The following SLC9A9 variants were observed in gnomAD, a reference collection of about 807,000 sequenced individuals.
The protein encoded by SLC9A9 is solute carrier family 9 member A9, also known as sodium/hydrogen exchanger 9.
In SLC9A9, 62 loss-of-function variants were observed where a neutral mutation model predicts 77.8. The ratio of observed to expected loss-of-function variants is 0.80; its 90% CI spans 0.65 to 0.98. The LOEUF (loss-of-function observed/expected upper bound fraction) is 0.98. Among genes scored for constraint, SLC9A9 ranks in the 50% least tolerant of loss-of-function variants. The probability of loss-of-function intolerance (pLI) is 0.00; values close to 1 mark genes in which losing one functional copy is unlikely to be tolerated. For missense variants in SLC9A9, 775 were observed against 774.9 expected (o/e 1.00, Z 0.00); for synonymous variants, 320 against 283.5 (o/e 1.13, Z -1.29).
chr3:143,370,577 A>G (rs1040427670), intron 13 of SLC9A9, among the ~76,000 whole-genome samples: 13 of 150,892 alleles, frequency 8.6e-5, no homozygotes, highest in Admixed American at 2.0e-4. Flanking sequence ...GCACACACAC[A>G]CACACACACA....
At chr3:143,518,236 G>C in intron 9 of SLC9A9, 3 of 1,592,584 alleles carry the variant, frequency 1.9e-6, no homozygotes, top group Non-Finnish European at 2.6e-6. Flanking sequence ...CCATGGCAGG[G>C]AGGTGGTGGG....
chr3:143,585,317 C>T (rs1022802332), intron 6 of SLC9A9, among the ~76,000 whole-genome samples: 4 of 152,114 alleles, frequency 2.6e-5, no homozygotes, highest in Non-Finnish European at 4.4e-5. Context: ...ATTGTTTCTG[C>T]CCTATAGTTT....
intron 14 of SLC9A9, among the ~76,000 whole-genome samples, chr3:143,321,586 C>T (rs1041330213): frequency 1.3e-5 from 2 of 152,236 alleles, no homozygotes; most frequent in African/African-American, 2.4e-5. Flanking sequence ...TTCTGTTTCT[C>T]GTGAAACCAC....
chr3:143,791,255 A>C (rs2008215271), intron 4 of SLC9A9, among the ~76,000 whole-genome samples: 2 of 152,234 alleles, frequency 1.3e-5, no homozygotes, highest in Admixed American at 1.3e-4. Context: ...TCTTGCCAGA[A>C]GGAATATTGT....
At chr3:143,737,316 T>G (rs1576692082) in intron 4 of SLC9A9, among the ~76,000 whole-genome samples, 2 of 152,304 alleles carry the variant, frequency 1.3e-5, no homozygotes, top group Non-Finnish European at 2.9e-5. Context: ...CTGTTAGTCA[T>G]TTGCCTTTTC....
intron 6 of SLC9A9, among the ~76,000 whole-genome samples, chr3:143,648,855 T>C (rs976210515): frequency 3.9e-5 from 6 of 152,142 alleles, no homozygotes; most frequent in African/African-American, 1.4e-4. Flanking sequence ...AAATTCTTCG[T>C]CAAATCTCCC....
At chr3:143,834,484 C>T (rs535843410) in intron 1 of SLC9A9, among the ~76,000 whole-genome samples, 1 of 150,868 alleles carries the variant, frequency 6.6e-6, no homozygotes, top group Admixed American at 6.6e-5. Flanking sequence ...TCTACAAAGA[C>T]GGGAAGCACA....
intron 4 of SLC9A9, among the ~76,000 whole-genome samples, chr3:143,779,534 C>T (rs144795266): frequency 0.017 from 2,532 of 152,150 alleles, 37 homozygotes; most frequent in Non-Finnish European, 0.026. Flanking sequence ...ACATGCCTCG[C>T]CAATTTTTGT....
chr3:143,736,571 C>T (rs1934945668), intron 4 of SLC9A9, among the ~76,000 whole-genome samples: 1 of 152,102 alleles, frequency 6.6e-6, no homozygotes, highest in Non-Finnish European at 1.5e-5. Flanking sequence ...GTAACTACCC[C>T]TTCTTTCATT....
At chr3:143,845,458 C>T (rs1197561914) in intron 1 of SLC9A9, among the ~76,000 whole-genome samples, 1 of 152,058 alleles carries the variant, frequency 6.6e-6, no homozygotes, top group African/African-American at 2.4e-5. Flanking sequence ...TTAGGACATC[C>T]CTGAAGAAGA....
intron 4 of SLC9A9, among the ~76,000 whole-genome samples, chr3:143,780,450 A>C (rs1006457468): frequency 6.6e-6 from 1 of 152,248 alleles, no homozygotes; most frequent in African/African-American, 2.4e-5. Context: ...TTGGGGATTG[A>C]TGATACAAAA....
At chr3:143,296,152 G>C (rs1010987539) in intron 14 of SLC9A9, among the ~76,000 whole-genome samples, 13 of 152,198 alleles carry the variant, frequency 8.5e-5, no homozygotes, top group African/African-American at 3.1e-4. Context: ...AATGATGAAT[G>C]ATGAGTAGAT....
intron 4 of SLC9A9, among the ~76,000 whole-genome samples, chr3:143,693,792 G>A (rs1005634291): frequency 6.6e-6 from 1 of 152,126 alleles, no homozygotes; most frequent in Non-Finnish European, 1.5e-5. Flanking sequence ...TAATAGATGA[G>A]TCTCTGCTGC....
intron 14 of SLC9A9, among the ~76,000 whole-genome samples, chr3:143,332,641 A>G (rs2031809163): frequency 6.6e-6 from 1 of 152,236 alleles, no homozygotes; most frequent in African/African-American, 2.4e-5. Flanking sequence ...TTAAAACAAA[A>G]CAAAAGCCAA....
chr3:143,639,730 G>A (rs142451258), intron 6 of SLC9A9, among the ~76,000 whole-genome samples: 1,592 of 152,256 alleles, frequency 0.01, 13 homozygotes, highest in Middle Eastern at 0.027. Context: ...TTTGTGTGAA[G>A]GATGAGGATA....
chr3:143,754,656 C>T (rs1419342211), intron 4 of SLC9A9, among the ~76,000 whole-genome samples: 1 of 152,088 alleles, frequency 6.6e-6, no homozygotes, highest in South Asian at 2.1e-4. Context: ...CAGAGGCAGA[C>T]GCTCAAGAGG....
chr3:143,385,304 C>A lies in SLC9A9; in HGVS notation c.1470-3190G>T, dbSNP rs1472996691. Among the ~76,000 whole-genome samples the A allele has an allele frequency of 2.0e-5, 3 of 152,120 alleles. No homozygotes were observed. In the East Asian group the frequency reaches 5.8e-4, roughly 29 times the overall value. ...ATTTTTATTTTCATTTTCTATCTATCTATCTAATTTAAATATTATAGAAAG... is the reference window on the plus strand; with the variant it reads ...ATTTTTATTTTCATTTTCTATCTATATATCTAATTTAAATATTATAGAAAG... On this transcript the variant is annotated intron_variant, in intron 12 of 15. Transcript: ENST00000316549.
chr3:143,647,919 A>G (rs934371794), intron 6 of SLC9A9, among the ~76,000 whole-genome samples: 1 of 152,188 alleles, frequency 6.6e-6, no homozygotes, highest in African/African-American at 2.4e-5. Context: ...ACGTGTAAAA[A>G]TGGTTATTCT....
In SLC9A9 at chr3:143,693,172, T is replaced by C; in HGVS notation, c.649+20A>G. ...ATGTTTGATTCTTAAAAGAAGAAAA[T>C]ATATTATTTGAGCAATTACCTGGAT... On this transcript the variant is annotated intron_variant, in intron 5 of 15. Coordinates refer to ENST00000316549, the MANE Select transcript of SLC9A9 (RefSeq NM_173653.4). The C allele has an allele frequency of 6.4e-7, 1 of 1,558,990 alleles. No individual in the cohort carries two copies. Among genetic ancestry groups the C allele is most frequent in the Non-Finnish European group, 8.8e-7 (1 of 1,131,070 alleles).
Sources: allele counts gnomAD v4.1 joint callset (sites outside exome capture counted in the v4.1 genomes callset), GRCh38; gene constraint gnomAD v4.1.1; transcripts MANE v1.5; gene names NCBI Gene and HGNC (gene_info 2026-07-23, HGNC 2026-07-21).